CPVL: variants seen among roughly 807,000 people sequenced by gnomAD.
CPVL encodes carboxypeptidase vitellogenic like.
Under a neutral mutation model 63.7 loss-of-function variants are expected in CPVL, and 51 were observed. The observed-to-expected ratio is 0.80, with a 90% CI of 0.64 to 1.01. The LOEUF is 1.01. CPVL is among the 50% of genes least tolerant of loss of function. The probability of loss-of-function intolerance (pLI) is 0.00; values close to 1 mark genes in which losing one functional copy is unlikely to be tolerated. For synonymous variants in CPVL, 195 were observed against 206.0 expected (o/e 0.95, Z 0.46); for missense variants, 530 against 573.1 (o/e 0.92, Z 0.77).
intron 11 of CPVL, among the ~76,000 whole-genome samples, chr7:29,057,542 C>G (rs1466585242): frequency 1.3e-5 from 2 of 152,050 alleles, no homozygotes; most frequent in African/African-American, 4.8e-5. Context: ...TGGATTGTTC[C>G]TTTAGCATTG....
At chr7:29,106,498 G>A (rs1442421746) in intron 3 of CPVL, among the ~76,000 whole-genome samples, 3 of 152,036 alleles carry the variant, frequency 2.0e-5, no homozygotes, top group African/African-American at 7.2e-5. Context: ...AGGCAGTGGG[G>A]CCAAGAAAAA....
chr7:29,042,953 T>C (rs772804638), intron 11 of CPVL, among the ~76,000 whole-genome samples: 10 of 152,202 alleles, frequency 6.6e-5, no homozygotes, highest in South Asian at 2.1e-4. Flanking sequence ...GGCTGACCCA[T>C]TGGCATTCTC....
At chr7:29,083,421 T>G (rs1784928278) in intron 7 of CPVL, among the ~76,000 whole-genome samples, 1 of 152,246 alleles carries the variant, frequency 6.6e-6, no homozygotes, top group Non-Finnish European at 1.5e-5. Context: ...TCTGGCCAAT[T>G]TGTATATTCC....
intron 12 of CPVL, among the ~76,000 whole-genome samples, chr7:29,019,394 G>A (rs1173713080): frequency 3.3e-5 from 5 of 152,102 alleles, no homozygotes; most frequent in South Asian, 2.1e-4. Flanking sequence ...GCTCTTCATC[G>A]GATCTCTGAA....
chr7:29,002,829 T>A lies in CPVL; in HGVS notation c.1321-6947A>T, dbSNP rs548703142. On this transcript the variant is annotated intron_variant, in intron 12 of 12. Coordinates refer to ENST00000265394, the MANE Select transcript of CPVL (RefSeq NM_031311.5). The stretch of plus-strand genomic sequence containing the variant: ...CTGGAAGTTAGGTCAGTAGAGGATA[T>A]CCAGACTGAAGCATGGAGAATAAAG... 2.3e-4 allele frequency among the ~76,000 whole-genome samples: 31 copies of A among 137,266 alleles called. No individual in the cohort carries two copies. In the South Asian group the frequency reaches 7.0e-3, roughly 31 times the overall value. The allele number at this position is 137,266 out of a possible 152,430, so 90.1% of individuals were successfully genotyped here.
chr7:29,103,411 A>ATTTTTTT (rs551627609), intron 3 of CPVL, among the ~76,000 whole-genome samples: 5,483 of 134,646 alleles, frequency 0.041, 327 homozygotes, highest in African/African-American at 0.062. Context: ...ATGCTCAGCT[A>ATTTTTTT]TTTTTTTTTT....
chr7:29,189,170 C>T (rs753157572), intron 1 of CPVL, among the ~76,000 whole-genome samples: 1 of 151,916 alleles, frequency 6.6e-6, no homozygotes. Flanking sequence ...AGGCTGGTCT[C>T]GAACTCCTGA....
intron 11 of CPVL, 62 bp downstream of exon 11, chr7:29,063,999 A>G (rs1782900459): frequency 8.3e-7 from 1 of 1,209,212 alleles, no homozygotes; most frequent in Middle Eastern, 2.3e-4. Context: ...TCAAATTACA[A>G]ATCACTTCTG....
rs147425697 is a variant in CPVL at position 29,084,011 on chromosome 7, G to A, written c.609+2473C>T. On this transcript the variant is annotated intron_variant, in intron 7 of 12. Coordinates refer to ENST00000265394, the MANE Select transcript of CPVL (RefSeq NM_031311.5). Reference sequence around the variant, plus strand: ...CCTTTCATCTGTATTGTAATTATTCGACCTTCAGATTTAGGGCAGAGTCAA... The same window carrying A: ...CCTTTCATCTGTATTGTAATTATTCAACCTTCAGATTTAGGGCAGAGTCAA... 1.5e-3 allele frequency among the ~76,000 whole-genome samples: 223 copies of A among 150,984 alleles called. 1 individual carries two copies. Among genetic ancestry groups the A allele is most frequent in the African/African-American group, 5.0e-3 (205 of 41,040 alleles).
rs776498400 is a variant in CPVL at position 29,071,754 on chromosome 7, C to A, written c.864+19G>T. On this transcript the variant is annotated intron_variant, in intron 9 of 12. Coordinates refer to ENST00000265394, the MANE Select transcript of CPVL (RefSeq NM_031311.5). Reference sequence around the variant, plus strand: ...TGGTTTTAATTGCTCAAGGGCAGCACAGGGCCCCCAGAACTCACTTCAAAG... The same window carrying A: ...TGGTTTTAATTGCTCAAGGGCAGCAAAGGGCCCCCAGAACTCACTTCAAAG... The A allele has an allele frequency of 7.0e-6, 11 of 1,573,704 alleles. No individual in the cohort carries two copies. In the Admixed American group the frequency reaches 1.9e-4, roughly 27 times the overall value.
At chr7:29,074,452 T>A (rs74913375) in intron 7 of CPVL, among the ~76,000 whole-genome samples, 9,405 of 152,254 alleles carry the variant, frequency 0.062, 400 homozygotes, top group East Asian at 0.18. Context: ...CACATTTCCC[T>A]GAGTAACCAT....
At chr7:29,098,221 C>T (rs1398419197) in intron 3 of CPVL, among the ~76,000 whole-genome samples, 3 of 152,176 alleles carry the variant, frequency 2.0e-5, no homozygotes, top group South Asian at 2.1e-4. Context: ...GCAAGACTGA[C>T]TCAAGAGAAG....
intron 12 of CPVL, among the ~76,000 whole-genome samples, chr7:29,013,697 G>C (rs571544633): frequency 1.3e-5 from 2 of 152,228 alleles, no homozygotes; most frequent in Admixed American, 1.3e-4. Context: ...GGTAGACATA[G>C]AGATGCACCC....
chr7:29,053,595 T>C (rs548435519), intron 11 of CPVL, among the ~76,000 whole-genome samples: 1 of 152,302 alleles, frequency 6.6e-6, no homozygotes, highest in African/African-American at 2.4e-5. Flanking sequence ...GTGGAAATCA[T>C]TGCTAATGAA....
chr7:29,066,285 G>A (rs1783131645), intron 9 of CPVL, among the ~76,000 whole-genome samples, 164 bp from the exon 10 acceptor site: 2 of 152,226 alleles, frequency 1.3e-5, no homozygotes, highest in South Asian at 4.1e-4. Context: ...ACACTGTCAT[G>A]GCACTGGAGA....
intron 1 of CPVL, among the ~76,000 whole-genome samples, chr7:29,135,819 C>T (rs1791159142): frequency 6.6e-6 from 1 of 152,186 alleles, no homozygotes; most frequent in Non-Finnish European, 1.5e-5. Flanking sequence ...CCACCTTAGC[C>T]TCCCAGAGTG....
At chr7:29,043,188 C>T (rs1789288651) in intron 11 of CPVL, among the ~76,000 whole-genome samples, 1 of 151,608 alleles carries the variant, frequency 6.6e-6, no homozygotes. Flanking sequence ...CCAGGTTGAT[C>T]TCCTCATAAA....
intron 1 of CPVL, chr7:29,192,160 G>C (rs532010462): frequency 3.5e-4 from 54 of 152,398 alleles, no homozygotes; most frequent in Non-Finnish European, 4.4e-5. Flanking sequence ...GCACTTCTCT[G>C]TTCAGCAAGC....
chr7:29,186,253 CAA>C (rs70980510), intron 2 of CPVL, among the ~76,000 whole-genome samples: 1 of 146,108 alleles, frequency 6.8e-6, no homozygotes, highest in Non-Finnish European at 1.5e-5. Context: ...ATGTTTTAGG[CAA>C]AAAAAAAATG....
Sources: allele counts gnomAD v4.1 joint callset (sites outside exome capture counted in the v4.1 genomes callset), GRCh38; gene constraint gnomAD v4.1.1; transcripts MANE v1.5; gene names NCBI Gene and HGNC (gene_info 2026-07-23, HGNC 2026-07-21).